PDCD11: variants seen among roughly 807,000 people sequenced by gnomAD.
PDCD11 encodes the protein protein RRP5 homolog.
Under a neutral mutation model 198.9 loss-of-function variants are expected in PDCD11, and 97 were observed. That is an observed-to-expected ratio of 0.49 (90% CI 0.41 to 0.58). PDCD11 has a LOEUF of 0.58. Ranked by LOEUF, PDCD11 falls within the 20% of genes least tolerant of loss-of-function variation. PDCD11 has a pLI of 0.00. For synonymous variants in PDCD11, 893 were observed against 918.0 expected (o/e 0.97, Z 0.49); for missense variants, 2,102 against 2,312.7 (o/e 0.91, Z 1.87).
Position 103,444,651 on chromosome 10 carries a change from A to G in PDCD11, c.5413A>G (p.Thr1805Ala). The change falls in exon 35 of 36, where the codon ACC becomes GCC. Residue 1805 changes from threonine (T) to alanine (A), a missense_variant. Coordinates refer to ENST00000369797, the MANE Select transcript of PDCD11 (RefSeq NM_014976.2). ...TDVWSVYIDM[T>A]IKHGSQKDVR... Reference sequence around the variant, plus strand: ...TGTCTGGTCGGTCTATATCGACATGACCATCAAGCACGGCAGCCAGAAGGA... The same window carrying G: ...TGTCTGGTCGGTCTATATCGACATGGCCATCAAGCACGGCAGCCAGAAGGA... The G allele has an allele frequency of 6.2e-7, 1 of 1,614,076 alleles. No homozygotes were observed. The highest frequency in any genetic ancestry group is 8.5e-7 in the Non-Finnish European group (1 of 1,180,032).
At position 103,445,712 on chromosome 10, in the gene PDCD11, T is replaced by G. The variant is rs2032582385; in HGVS notation, c.*163T>G. The G allele has an allele frequency of 1.7e-6, 1 of 598,164 alleles. No homozygotes were observed. The highest frequency in any genetic ancestry group is 4.5e-4 in the Middle Eastern group (1 of 2,218). 37.1% of individuals were successfully genotyped at this position (598,164 alleles called of 1,614,324 possible). A position where few individuals can be genotyped will look rare whatever the true frequency, so the allele number is the denominator to read the frequency against. ...GTCAGGATGAAAAGGAAGTTGAGAT[T>G]TTTTAAATCCCTCTTCGCTTGCTTT... On this transcript the variant is annotated 3_prime_UTR_variant, in exon 36 of 36. Transcript: ENST00000369797.
At chr10:103,422,120 C>T (rs964308787) in intron 17 of PDCD11, among the ~76,000 whole-genome samples, 5 of 147,720 alleles carry the variant, frequency 3.4e-5, no homozygotes, top group East Asian at 2.0e-4. Flanking sequence ...TGCACTCTGT[C>T]GCCTGGGATG....
intron 8 of PDCD11, 26 bp from the exon 9 acceptor site, chr10:103,413,090 C>T (rs1348760187): frequency 9.4e-6 from 15 of 1,601,896 alleles, no homozygotes; most frequent in Non-Finnish European, 1.3e-5. Context: ...CCTCCTCCTG[C>T]TCACCCTGCC....
intron 2 of PDCD11, chr10:103,399,729 C>G (rs544274868): frequency 6.6e-6 from 1 of 152,436 alleles, no homozygotes; most frequent in African/African-American, 2.4e-5. Flanking sequence ...TGCTCTGTCG[C>G]CCAGGCTGAA....
In PDCD11 at chr10:103,413,109, T is replaced by A. The variant is rs1564761542; in HGVS notation, c.979-7T>A. The A allele has an allele frequency of 6.2e-7, 1 of 1,612,652 alleles. No homozygotes were observed. Among genetic ancestry groups the A allele is most frequent in the East Asian group, 2.2e-5 (1 of 44,866 alleles). ...CTCCTGCTCACCCTGCCCTTCCTTT[T>A]GTCTAGGTGAGGGCCTGCATCCTTT... is the stretch of plus-strand genomic sequence containing the variant. On this transcript the variant is annotated splice_region_variant and splice_polypyrimidine_tract_variant and intron_variant, in intron 8 of 35. Coordinates refer to ENST00000369797, the MANE Select transcript of PDCD11 (RefSeq NM_014976.2).
At chr10:103,398,060 ATTGTT>A (rs1307177721) in intron 1 of PDCD11, among the ~76,000 whole-genome samples, 2 of 152,114 alleles carry the variant, frequency 1.3e-5, no homozygotes, top group African/African-American at 4.8e-5. Context: ...TACTTGCATA[ATTGTT>A]TTATCTTCCA....
At chr10:103,421,222 G>C in intron 16 of PDCD11, 126 bp from the exon 17 acceptor site, 1 of 691,912 alleles carries the variant, frequency 1.4e-6, no homozygotes, top group Non-Finnish European at 2.5e-6. Flanking sequence ...TGTGTTCAGA[G>C]AGGGCTTGGG....
rs144287622 is a variant in PDCD11, at chr10:103,427,356, C to G, written c.3333C>G (p.Phe1111Leu). 1 of 1,613,118 alleles carries G rather than the reference C, an allele frequency of 6.2e-7. No individual in the cohort carries two copies. ...ATCTCCCAATAAGTCACCCCAGATT[C>G]GTTCGAACCATCCCGGAGCTGAGTG... ...FKYLPISHPRFVRTIPELSVR... is the reference protein window; with the variant it reads ...FKYLPISHPRLVRTIPELSVR... The change falls in exon 21 of 36, where the codon TTC becomes TTG. Residue 1111 changes from phenylalanine (F) to leucine (L), a missense_variant. Physicochemically the swap from Phe to Leu is conservative, Grantham distance 22. Transcript: ENST00000369797.
chr10:103,401,339 C>G (rs574102350), intron 3 of PDCD11, among the ~76,000 whole-genome samples: 3 of 152,178 alleles, frequency 2.0e-5, no homozygotes, highest in African/African-American at 7.2e-5. Context: ...GTGATGTGAT[C>G]TCAGCTCACT....
At position 103,400,394 on chromosome 10, in the gene PDCD11, T is replaced by C. The variant is rs2029954600; in HGVS notation, c.103-3T>C. On this transcript the variant is annotated splice_polypyrimidine_tract_variant and splice_region_variant and intron_variant, in intron 2 of 35. Coordinates refer to ENST00000369797, the MANE Select transcript of PDCD11 (RefSeq NM_014976.2). ...TTTGTGGGCTCCCCCTACCCGCTTC[T>C]AGATTTCTACTGAAGAGGGATCCAC... 6.2e-7 allele frequency: 1 copy of C among 1,609,338 alleles called. No homozygotes were observed. The highest frequency in any genetic ancestry group is 1.1e-5 in the South Asian group (1 of 89,830).
chr10:103,444,394 G>C, intron 34 of PDCD11, 123 bp from the exon 35 acceptor site: 1 of 975,664 alleles, frequency 1.0e-6, no homozygotes, highest in Non-Finnish European at 1.6e-6. Flanking sequence ...TGTCCCTCTT[G>C]TCACAACCTG....
chr10:103,416,355 A>C, intron 12 of PDCD11, 136 bp from the exon 13 acceptor site: 1 of 777,878 alleles, frequency 1.3e-6, no homozygotes, highest in Non-Finnish European at 2.2e-6. Flanking sequence ...TCTGCCACTG[A>C]GATGATTAGA....
chr10:103,430,079 G>A (rs971521534), intron 21 of PDCD11, among the ~76,000 whole-genome samples: 3 of 152,114 alleles, frequency 2.0e-5, no homozygotes, highest in South Asian at 4.2e-4. Flanking sequence ...CAGCCTTGAC[G>A]TTCTGGGCTC....
chr10:103,403,435 G>A, intron 4 of PDCD11, 150 bp downstream of exon 4: 2 of 703,126 alleles, frequency 2.8e-6, no homozygotes, highest in South Asian at 3.9e-5. Context: ...CTGGGAGCCT[G>A]GAAGACTGTT....
rs1445267944 is a variant in PDCD11 at position 103,443,855 on chromosome 10, T to C, written c.5125-60T>C. 13 of 1,539,724 alleles carry C rather than the reference T, an allele frequency of 8.4e-6. No homozygotes were observed. In the Admixed American group the frequency reaches 2.1e-4, roughly 25 times the overall value. ...AGCTTCTTGTGAGTGTTGCTGCTTG[T>C]CTGTCTTGTCCCCTCTGTAGTATCA... is the stretch of plus-strand genomic sequence containing the variant. On this transcript the variant is annotated intron_variant, in intron 33 of 35. Coordinates refer to ENST00000369797, the MANE Select transcript of PDCD11 (RefSeq NM_014976.2).
intron 33 of PDCD11, 146 bp from the exon 34 acceptor site, chr10:103,443,769 C>T (rs1424095236): frequency 2.5e-6 from 2 of 793,496 alleles, no homozygotes; most frequent in Non-Finnish European, 4.2e-6. Context: ...CTCCCTCCCG[C>T]TCCTCTCAGG....
At chr10:103,442,886 C>CAGCCCAAACCTCAGGCCCGG (rs1554881707) in intron 32 of PDCD11, among the ~76,000 whole-genome samples, 1 of 152,212 alleles carries the variant, frequency 6.6e-6, no homozygotes, top group Non-Finnish European at 1.5e-5. Context: ...ACTCTGCGTC[C>CAGCCCAAACCTCAGGCCCGG]AGCCCAAACC....
chr10:103,416,451 A>G lies in PDCD11; in HGVS notation c.1519-40A>G, dbSNP rs775786935. 1.9e-5 allele frequency: 30 copies of G among 1,607,266 alleles called. No homozygotes were observed. In the South Asian group the frequency reaches 3.0e-4, roughly 16 times the overall value. On this transcript the variant is annotated intron_variant, in intron 12 of 35. Transcript: ENST00000369797. The stretch of plus-strand genomic sequence containing the variant: ...AGAGACCAGCTCAGTGGCTCTCATG[A>G]TAACAGATAACTTGATGACAGCCTG...
chr10:103,435,508 C>A (rs370561014), intron 25 of PDCD11, among the ~76,000 whole-genome samples: 2 of 151,154 alleles, frequency 1.3e-5, no homozygotes, highest in African/African-American at 2.4e-5. Flanking sequence ...TGCAGTGGCG[C>A]GAGACACAGC....
Sources: allele counts gnomAD v4.1 joint callset (sites outside exome capture counted in the v4.1 genomes callset), GRCh38; gene constraint gnomAD v4.1.1; transcripts MANE v1.5; gene names NCBI Gene and HGNC (gene_info 2026-07-23, HGNC 2026-07-21).